ALDH3A2: variants seen among roughly 807,000 people sequenced by gnomAD.
ALDH3A2 encodes aldehyde dehydrogenase family 3 member A2.
ALDH3A2 carries 36 observed loss-of-function variants against 51.3 expected under a neutral mutation model. The ratio of observed to expected loss-of-function variants is 0.70; its 90% confidence interval spans 0.54 to 0.93. The LOEUF (loss-of-function observed/expected upper bound fraction) is 0.93. Ranked by LOEUF, ALDH3A2 falls within the 40% of genes least tolerant of loss-of-function variation. ALDH3A2 has a pLI of 0.00. For missense variants in ALDH3A2, 552 were observed against 603.1 expected, an observed-to-expected ratio of 0.92 and a Z score of 0.89; for synonymous variants, 199 against 219.8, an observed-to-expected ratio of 0.91 and a Z score of 0.84.
chr17:19,665,409 G>GTGTGTGTGTGTGT (rs1555534756), intron 8 of ALDH3A2, among the ~76,000 whole-genome samples: 1 of 139,762 alleles, frequency 7.2e-6, no homozygotes, highest in African/African-American at 2.9e-5. Context: ...GTGTGTGTGT[G>GTGTGTGTGTGTGT]GTGTGTGTGT....
intron 8 of ALDH3A2, among the ~76,000 whole-genome samples, chr17:19,670,512 TC>T (rs2085097596): frequency 6.6e-6 from 1 of 151,726 alleles, no homozygotes; most frequent in Admixed American, 6.6e-5. Context: ...CCCAAATTTT[TC>T]CCAGTTTCTT....
Position 19,651,535 on chromosome 17 carries a change from CTCTTA to C in ALDH3A2, c.154-10_154-6del. 3 of 1,598,456 alleles carry C rather than the reference CTCTTA, an allele frequency of 1.9e-6. No individual in the cohort carries two copies. The highest frequency in any genetic ancestry group is 2.6e-6 in the Non-Finnish European group (3 of 1,165,934). ...TTACTCTGCAAGATTAACTGTGATTCTCTTATAACAGAGTGAATTCAATGTGTACA... is the reference window on the plus strand; with the variant it reads ...TTACTCTGCAAGATTAACTGTGATTCTAACAGAGTGAATTCAATGTGTACA... On this transcript the variant is annotated splice_polypyrimidine_tract_variant and splice_region_variant and intron_variant, in intron 1 of 9. Coordinates refer to ENST00000176643, the MANE Select transcript of ALDH3A2 (RefSeq NM_000382.3).
chr17:19,660,656 T>A (rs1299726817), intron 5 of ALDH3A2, among the ~76,000 whole-genome samples: 1 of 152,228 alleles, frequency 6.6e-6, no homozygotes, highest in Non-Finnish European at 1.5e-5. Context: ...GAGCAAAGAT[T>A]GGCAAATGGT....
At chr17:19,672,024 C>G in intron 9 of ALDH3A2, 68 bp downstream of exon 9, 7 of 1,349,874 alleles carry the variant, frequency 5.2e-6, no homozygotes, top group Non-Finnish European at 6.4e-6. Context: ...GATGCATATT[C>G]TAGCAGGACT....
At chr17:19,653,681 T>C (rs1240078447) in intron 3 of ALDH3A2, among the ~76,000 whole-genome samples, 3 of 152,184 alleles carry the variant, frequency 2.0e-5, no homozygotes, top group Non-Finnish European at 2.9e-5. Context: ...TTACAGCTCA[T>C]AACGGCAGTG....
chr17:19,657,858 T>A lies in ALDH3A2; in HGVS notation c.794T>A (p.Val265Glu). The A allele has an allele frequency of 6.3e-7, 1 of 1,596,198 alleles. No homozygotes were observed. The highest frequency in any genetic ancestry group is 8.6e-7 in the Non-Finnish European group (1 of 1,163,800). ...NQIVWKIKETVKEFYGENIKE... is the reference protein window; with the variant it reads ...NQIVWKIKETEKEFYGENIKE... ...ATTGTATGGAAGATTAAGGAAACAGTGAAGGTTTGTATTAAAAACATCTGA... is the reference window on the plus strand; with the variant it reads ...ATTGTATGGAAGATTAAGGAAACAGAGAAGGTTTGTATTAAAAACATCTGA... Residue 265 changes from valine to glutamate, a missense_variant, in exon 5 of 10, where the codon GTG (valine) becomes GAG (glutamate). By Grantham distance (121) the Val-to-Glu change is moderately radical. Transcript: ENST00000176643.
At chr17:19,668,085 A>G (rs1183521563) in intron 8 of ALDH3A2, among the ~76,000 whole-genome samples, 2 of 152,052 alleles carry the variant, frequency 1.3e-5, no homozygotes, top group Non-Finnish European at 2.9e-5. Flanking sequence ...TACCACTCTC[A>G]TGAATTTTCT....
In ALDH3A2 at chr17:19,669,306, A is replaced by C. The variant is rs535844504; in HGVS notation, c.1208-2415A>C. Among the ~76,000 whole-genome samples, 15 of 152,258 alleles carry C rather than the reference A, an allele frequency of 9.9e-5. No individual in the cohort carries two copies. In the South Asian group the frequency reaches 2.3e-3, roughly 23 times the overall value. On this transcript the variant is annotated intron_variant, in intron 8 of 9. Coordinates refer to ENST00000176643, the MANE Select transcript of ALDH3A2 (RefSeq NM_000382.3). ...CAACAGAGCGAGACTCCATCTCAAA[A>C]AAACAAACAAACAAAAAAAACACCC...
In ALDH3A2 at chr17:19,671,767, T is replaced by C. The variant is rs373251784; in HGVS notation, c.1254T>C (p.Thr418=). Residue 418 remains threonine, a synonymous_variant, in exon 9 of 10, where the codon ACT becomes ACC. Transcript: ENST00000176643. The stretch of plus-strand genomic sequence containing the variant: ...ATCACGGAAAACATAGTTTTGATAC[T>C]TTTTCTCATCAGCGTCCCTGTTTAT... The part of the protein sequence containing the change: ...GAYHGKHSFD[T]FSHQRPCLLK... 8.2e-5 allele frequency: 133 copies of C among 1,614,066 alleles called. No homozygotes were observed. Among genetic ancestry groups the C allele is most frequent in the Middle Eastern group, 6.6e-4 (4 of 6,084 alleles).
At chr17:19,672,900 G>C (rs990470751) in intron 9 of ALDH3A2, among the ~76,000 whole-genome samples, 2 of 152,058 alleles carry the variant, frequency 1.3e-5, no homozygotes, top group Non-Finnish European at 2.9e-5. Context: ...AATTAGCCAG[G>C]CATGGTGGCA....
intron 9 of ALDH3A2, among the ~76,000 whole-genome samples, chr17:19,673,568 G>A (rs780351417): frequency 2.0e-5 from 3 of 151,642 alleles, no homozygotes; most frequent in Admixed American, 6.6e-5. Flanking sequence ...AAATACAAAC[G>A]TTAGCTGGGT....
chr17:19,650,641 G>A (rs563245419), intron 1 of ALDH3A2, among the ~76,000 whole-genome samples: 2 of 151,848 alleles, frequency 1.3e-5, no homozygotes, highest in Non-Finnish European at 2.9e-5. Context: ...TTTTAGTAGA[G>A]ACGGGGTTTC....
At chr17:19,666,071 A>G (rs898493003) in intron 8 of ALDH3A2, among the ~76,000 whole-genome samples, 6 of 152,070 alleles carry the variant, frequency 3.9e-5, no homozygotes, top group Non-Finnish European at 5.9e-5. Flanking sequence ...GAAGAGGCCA[A>G]TTGGTAGGTA....
At chr17:19,648,608 T>C (rs934021539), upstream of ALDH3A2, 15 of 304,848 alleles carry the variant, frequency 4.9e-5, no homozygotes, top group Admixed American at 4.6e-4. Flanking sequence ...CGCGCTCGGC[T>C]CCCGCACTGC....
rs1265969343 is a variant in ALDH3A2 at position 19,657,744 on chromosome 17, G to T, written c.681-1G>T. Reference sequence around the variant, plus strand: ...AGCTGTTCTGGATGTTTTCCCCTCAGACGCATAACCTGGGGAAAATACATG... The same window carrying T: ...AGCTGTTCTGGATGTTTTCCCCTCATACGCATAACCTGGGGAAAATACATG... On this transcript the variant is annotated splice_acceptor_variant, in intron 4 of 9. Transcript: ENST00000176643. LOFTEE classifies it high-confidence loss of function. The T allele has an allele frequency of 1.2e-6, 2 of 1,602,754 alleles. No individual in the cohort carries two copies. The highest frequency in any genetic ancestry group is 3.3e-5 in the Admixed American group (2 of 59,994).
At chr17:19,672,900 G>A (rs990470751) in intron 9 of ALDH3A2, among the ~76,000 whole-genome samples, 1 of 152,058 alleles carries the variant, frequency 6.6e-6, no homozygotes, top group African/African-American at 2.4e-5. Context: ...AATTAGCCAG[G>A]CATGGTGGCA....
intron 1 of ALDH3A2, 185 bp downstream of exon 1, chr17:19,649,309 A>AGG: frequency 1.4e-6 from 1 of 717,320 alleles, no homozygotes; most frequent in Non-Finnish European, 2.2e-6. Flanking sequence ...AGCACTCAGA[A>AGG]GGGCATATGT....
chr17:19,659,402 G>A (rs963589864), intron 5 of ALDH3A2, among the ~76,000 whole-genome samples: 4 of 152,094 alleles, frequency 2.6e-5, no homozygotes, highest in Non-Finnish European at 4.4e-5. Context: ...GCTGGGTATG[G>A]TGGCACATGC....
chr17:19,665,529 C>T (rs2085025878), intron 8 of ALDH3A2, among the ~76,000 whole-genome samples: 2 of 152,036 alleles, frequency 1.3e-5, no homozygotes, highest in South Asian at 4.2e-4. Context: ...TTCCCCAGCC[C>T]TTTGTTGGGA....
Sources: allele counts gnomAD v4.1 joint callset (sites outside exome capture counted in the v4.1 genomes callset), GRCh38; gene constraint gnomAD v4.1.1; transcripts MANE v1.5; gene names NCBI Gene and HGNC (gene_info 2026-07-23, HGNC 2026-07-21).